PGAM2: variants seen among roughly 807,000 people sequenced by gnomAD.
The protein encoded by PGAM2 is BPG-dependent PGAM 2.
PGAM2 carries 23 observed loss-of-function variants against 22.5 expected under a neutral mutation model. That is an observed-to-expected ratio of 1.02 (90% CI 0.74 to 1.45). The LOEUF (loss-of-function observed/expected upper bound fraction) is 1.45, where lower values mean the gene tolerates loss of function less well. PGAM2 is among the 40% of genes most tolerant of loss of function. PGAM2 has a pLI of 0.00. For synonymous variants in PGAM2, 133 were observed against 138.6 expected (o/e 0.96, Z 0.29); for missense variants, 349 against 356.2 (o/e 0.98, Z 0.16).
Position 44,065,106 on chromosome 7 carries a change from G to A in PGAM2, c.414+10C>T. ...GCTTCCCAGAGGCCTTCCCAGCAAA[G>A]GCAGCCCACCTTGCTAATGGAGTTG... On this transcript the variant is annotated intron_variant, in intron 1 of 2. Transcript: ENST00000297283. 1.2e-6 allele frequency: 2 copies of A among 1,613,658 alleles called. No individual in the cohort carries two copies. The highest frequency in any genetic ancestry group is 1.7e-6 in the Non-Finnish European group (2 of 1,180,032).
intron 2 of PGAM2, 38 bp downstream of exon 2, chr7:44,064,793 GC>G: frequency 1.8e-6 from 2 of 1,136,964 alleles, no homozygotes; most frequent in East Asian, 2.5e-5. Context: ...TGGGGCTGCT[GC>G]CCACCCACCC....
At chr7:44,063,219 C>A in intron 2 of PGAM2, 1 of 481,178 alleles carries the variant, frequency 2.1e-6, no homozygotes, top group Non-Finnish European at 3.8e-6. Flanking sequence ...AGTGTGACTC[C>A]AGCCAGACTG....
chr7:44,063,955 C>G (rs903993372), intron 2 of PGAM2: 1 of 152,426 alleles, frequency 6.6e-6, no homozygotes, highest in African/African-American at 2.4e-5. Flanking sequence ...GCCAGGTGTC[C>G]GTGTTTGGAG....
chr7:44,065,162 G>C lies in PGAM2; in HGVS notation c.368C>G (p.Pro123Arg), dbSNP rs372435680. 1.1e-5 allele frequency: 17 copies of C among 1,613,904 alleles called. No individual in the cohort carries two copies. The highest frequency in any genetic ancestry group is 1.3e-5 in the Non-Finnish European group (15 of 1,180,020). ...GGGGTGCTTCTCGTCCATCGGGGGC[G>C]GCGGGATGTCGAAGGAGCGCCTCCA... ...KIWRRSFDIP[P>R]PPMDEKHPYY... Residue 123 changes from proline to arginine, a missense_variant, in exon 1 of 3, where the codon CCG becomes CGG. Coordinates refer to ENST00000297283, the MANE Select transcript of PGAM2 (RefSeq NM_000290.4).
chr7:44,065,374 A>G lies in PGAM2; in HGVS notation c.156T>C (p.Phe52=). Reference sequence around the variant, plus strand: ...TCAGCACTGACGTGTAGCAGATGTCAAACTCCATCTTGGCATCCTTGATGG... The same window carrying G: ...TCAGCACTGACGTGTAGCAGATGTCGAACTCCATCTTGGCATCCTTGATGG... ...AKAIKDAKME[F]DICYTSVLKR... Residue 52 remains phenylalanine, a synonymous_variant, in exon 1 of 3, where the codon TTT becomes TTC. Transcript: ENST00000297283. 1.2e-6 allele frequency: 2 copies of G among 1,614,038 alleles called. No homozygotes were observed. Among genetic ancestry groups the G allele is most frequent in the Non-Finnish European group, 1.7e-6 (2 of 1,180,022 alleles).
intron 2 of PGAM2, chr7:44,064,122 T>G (rs1586000842): frequency 6.5e-6 from 1 of 153,282 alleles, no homozygotes; most frequent in East Asian, 1.9e-4. Context: ...TAATTTAGAC[T>G]GCCCTTGTGT....
chr7:44,064,797 A>AGCCC, intron 2 of PGAM2, 35 bp downstream of exon 2: 2 of 633,308 alleles, frequency 3.2e-6, no homozygotes, highest in Middle Eastern at 4.9e-4. Flanking sequence ...GCTGCTGCCC[A>AGCCC]CCCACCCTGC....
chr7:44,065,557 T>TGGAC lies in PGAM2; in HGVS notation c.-32_-29dup, dbSNP rs1304494344. The TGGAC allele has an allele frequency of 6.2e-7, 1 of 1,610,096 alleles. No homozygotes were observed. Among genetic ancestry groups the TGGAC allele is most frequent in the Non-Finnish European group, 8.5e-7 (1 of 1,177,290 alleles). On this transcript the variant is annotated 5_prime_UTR_variant, in exon 1 of 3. Transcript: ENST00000297283. ...TGGCAGCAGGGACCACAGAGGACTC[T>TGGAC]GGACGGGGACGGCTGCTTCCCAACA...
rs750820287 is a variant in PGAM2, at chr7:44,065,267, T to C, written c.263A>G (p.Asn88Ser). 4.3e-6 allele frequency: 7 copies of C among 1,613,820 alleles called. No homozygotes were observed. The highest frequency in any genetic ancestry group is 1.6e-4 in the Middle Eastern group (1 of 6,062). ...TGTGAGGCCCCCGTAATGCCGCTCA[T>C]TGAGGCGCCAAGTGCGCACCACAGG... is the stretch of plus-strand genomic sequence containing the variant. ...WLPVVRTWRLNERHYGGLTGL... is the reference protein window; with the variant it reads ...WLPVVRTWRLSERHYGGLTGL... The change falls in exon 1 of 3, where the codon AAT becomes AGT. Residue 88 changes from asparagine to serine, a missense_variant. By Grantham distance (46) the Asn-to-Ser change is conservative (BLOSUM62 1). Coordinates refer to ENST00000297283, the MANE Select transcript of PGAM2 (RefSeq NM_000290.4).
At chr7:44,064,793 G>GGCCCCCCCCCCCCCCCCC in intron 2 of PGAM2, 39 bp downstream of exon 2, 19 of 1,136,920 alleles carry the variant, frequency 1.7e-5, no homozygotes, top group East Asian at 1.0e-4. Context: ...TGGGGCTGCT[G>GGCCCCCCCCCCCCCCCCC]CCCACCCACC....
chr7:44,065,196 C>G lies in PGAM2; in HGVS notation c.334G>C (p.Val112Leu). The change falls in exon 1 of 3, where the codon GTG becomes CTG. Residue 112 changes from valine (V) to leucine (L), a missense_variant. Val to Leu is a conservative substitution (Grantham distance 32, BLOSUM62 1). Transcript: ENST00000297283. ...TCGAAGGAGCGCCTCCAGATCTTCA[C>G]CTGCTCCTCCCCGTGCTTGGCGGCC... Reference protein sequence around the residue: ...ETAAKHGEEQVKIWRRSFDIP... With the variant: ...ETAAKHGEEQLKIWRRSFDIP... 2 of 1,614,118 alleles carry G rather than the reference C, an allele frequency of 1.2e-6. No individual in the cohort carries two copies. Among genetic ancestry groups the G allele is most frequent in the South Asian group, 2.2e-5 (2 of 91,088 alleles).
At chr7:44,063,059 G>C (rs555315183) in intron 2 of PGAM2, 129 bp from the exon 3 acceptor site, 2 of 983,286 alleles carry the variant, frequency 2.0e-6, no homozygotes, top group Non-Finnish European at 3.2e-6. Flanking sequence ...CCCTGAGAAC[G>C]AGGCCACAGA....
intron 2 of PGAM2, 108 bp downstream of exon 2, chr7:44,064,724 C>G: frequency 1.0e-6 from 1 of 959,730 alleles, no homozygotes; most frequent in Admixed American, 2.0e-5. Context: ...TGATGTGGAG[C>G]CCCACGCCTA....
At position 44,062,899 on chromosome 7, in the gene PGAM2, G is replaced by A. The variant is rs1585999759; in HGVS notation, c.627C>T (p.Asn209=). 1 of 1,614,216 alleles carries A rather than the reference G, an allele frequency of 6.2e-7. No homozygotes were observed. Among genetic ancestry groups the A allele is most frequent in the Non-Finnish European group, 8.5e-7 (1 of 1,180,042 alleles). Residue 209 remains asparagine, a synonymous_variant, in exon 3 of 3, where the codon AAC becomes AAT. Transcript: ENST00000297283. ...GMSDQAIMEL[N]LPTGIPIVYE... ...ACACAATGGGGATCCCCGTGGGCAG[G>A]TTCAGCTCCATGATCGCCTGGTCTG...
Position 44,065,276 on chromosome 7 carries a change from C to A in PGAM2, c.254G>T (p.Trp85Leu), listed in dbSNP as rs1339835313. 6.2e-7 allele frequency: 1 copy of A among 1,613,608 alleles called. No individual in the cohort carries two copies. The highest frequency in any genetic ancestry group is 1.3e-5 in the African/African-American group (1 of 74,952). The stretch of plus-strand genomic sequence containing the variant: ...CCCGTAATGCCGCTCATTGAGGCGC[C>A]AAGTGCGCACCACAGGCAGCCACAT... Reference protein sequence around the residue: ...DQMWLPVVRTWRLNERHYGGL... With the variant: ...DQMWLPVVRTLRLNERHYGGL... The change falls in exon 1 of 3, where the codon TGG becomes TTG. Residue 85 changes from tryptophan (W) to leucine (L), a missense_variant. Physicochemically the swap from Trp to Leu is moderately conservative, Grantham distance 61 (BLOSUM62 -2). Transcript: ENST00000297283.
chr7:44,062,821 A>G lies in PGAM2; in HGVS notation c.705T>C (p.Asp235=), dbSNP rs1585999665. The G allele has an allele frequency of 6.2e-7, 1 of 1,614,034 alleles. No homozygotes were observed. Among genetic ancestry groups the G allele is most frequent in the Non-Finnish European group, 8.5e-7 (1 of 1,179,968 alleles). Residue 235 remains aspartate, a synonymous_variant, in exon 3 of 3, where the codon GAT becomes GAC. Transcript: ENST00000297283. ...CCATGGCCTTCCGCACCGTTTCCTC[A>G]TCACCCAGGAACTGCATGGGCTTGG... ...KPTKPMQFLG[D]EETVRKAMEA...
intron 2 of PGAM2, 31 bp downstream of exon 2, chr7:44,064,801 A>AGCCC: frequency 1.4e-6 from 1 of 706,516 alleles, no homozygotes; most frequent in East Asian, 3.9e-5. Flanking sequence ...CTGCCCACCC[A>AGCCC]CCCTGCCCAG....
intron 2 of PGAM2, 36 bp downstream of exon 2, chr7:44,064,796 C>T: frequency 1.7e-6 from 2 of 1,158,920 alleles, no homozygotes; most frequent in Non-Finnish European, 2.5e-6. Flanking sequence ...GGCTGCTGCC[C>T]ACCCACCCTG....
In PGAM2 at chr7:44,064,993, A is replaced by C; in HGVS notation, c.434T>G (p.Leu145Arg). 6.2e-7 allele frequency: 1 copy of C among 1,606,364 alleles called. No individual in the cohort carries two copies. Among genetic ancestry groups the C allele is most frequent in the South Asian group, 1.1e-5 (1 of 90,876 alleles). ...GCAGGTGGGGAGTTCCCCGGGCTTC[A>C]GGCCTGCGTACCGACGCTCCTGGGG... ...SISKERRYAG[L>R]KPGELPTCES... The change falls in exon 2 of 3, where the codon CTG becomes CGG. Residue 145 changes from leucine (L) to arginine (R), a missense_variant. By Grantham distance (102) the Leu-to-Arg change is moderately radical (BLOSUM62 -2). Transcript: ENST00000297283.
Sources: allele counts gnomAD v4.1 joint callset, GRCh38; gene constraint gnomAD v4.1.1; transcripts MANE v1.5; gene names NCBI Gene and HGNC (gene_info 2026-07-23, HGNC 2026-07-21).